The following ARHGEF3 variants were observed in gnomAD, a reference collection of about 807,000 sequenced individuals.
ARHGEF3 encodes the protein 59.8 kDA protein.
ARHGEF3 carries 28 observed loss-of-function variants against 63.2 expected under a neutral mutation model. The observed-to-expected ratio is 0.44, with a 90% CI of 0.33 to 0.61. The LOEUF (loss-of-function observed/expected upper bound fraction) is 0.61, where lower values mean the gene tolerates loss of function less well. Among genes scored for constraint, ARHGEF3 ranks in the 20% least tolerant of loss-of-function variants. ARHGEF3 has a pLI of 0.03. For missense variants in ARHGEF3, 533 were observed against 659.3 expected (o/e 0.81, Z 2.10); for synonymous variants, 266 against 254.2 (o/e 1.05, Z -0.44).
chr3:56,997,122 G>C (rs77127091), intron 2 of ARHGEF3, among the ~76,000 whole-genome samples: 2,416 of 151,926 alleles, frequency 0.016, 72 homozygotes, highest in African/African-American at 0.056. Context: ...CCCTGCAGAA[G>C]CACTTGCCAC....
chr3:57,052,234 G>A lies in ARHGEF3; in HGVS notation c.-27-17058C>T, dbSNP rs1041268019. On this transcript the variant is annotated intron_variant, in intron 1 of 12. Coordinates refer to the ARHGEF3 transcript ENST00000338458. ...TGTGCCTCTCACCCTCACATCCTGCGGTGCCTGTATATTAGCTGATCCAAT... is the reference window on the plus strand; with the variant it reads ...TGTGCCTCTCACCCTCACATCCTGCAGTGCCTGTATATTAGCTGATCCAAT... Among the ~76,000 whole-genome samples, 13 of 152,262 alleles carry A rather than the reference G, an allele frequency of 8.5e-5. 1 individual carries two copies. Among genetic ancestry groups the A allele is most frequent in the Non-Finnish European group, 1.2e-4 (8 of 68,030 alleles).
rs550743658 is a variant in ARHGEF3, at chr3:56,774,302, TA to T, written c.97-487del. ...AGATTGTTTTCTTACTTCATTAAAT[TA>T]AAAAAAAAAAATTTAAAAAAGAAGT... On this transcript the variant is annotated intron_variant, in intron 1 of 9. Transcript: ENST00000296315. 6.5e-3 allele frequency among the ~76,000 whole-genome samples: 964 copies of T among 147,652 alleles called. 7 individuals carry two copies. The highest frequency in any genetic ancestry group is 0.021 in the Middle Eastern group (6 of 284).
intron 4 of ARHGEF3, among the ~76,000 whole-genome samples, chr3:56,857,714 T>C (rs2039933719): frequency 6.6e-6 from 1 of 152,214 alleles, no homozygotes. Context: ...GCCATTTCCT[T>C]TTCCTTTTCT....
chr3:56,834,347 TATTGTAAAAGA>T (rs1559978689), intron 4 of ARHGEF3, among the ~76,000 whole-genome samples: 1 of 152,166 alleles, frequency 6.6e-6, no homozygotes, highest in Non-Finnish European at 1.5e-5. Context: ...CAGGTATCAT[TATTGTAAAAGA>T]TGAGGTTCAT....
chr3:56,814,387 CG>C, intron 4 of ARHGEF3, among the ~76,000 whole-genome samples: 1 of 152,202 alleles, frequency 6.6e-6, no homozygotes, highest in African/African-American at 2.4e-5. Context: ...CTGTGGCCCA[CG>C]GAAGCCAAAA....
chr3:57,015,496 G>T (rs7624437), intron 2 of ARHGEF3, among the ~76,000 whole-genome samples: 52,185 of 151,680 alleles, frequency 0.34, 9,616 homozygotes, highest in African/African-American at 0.47. Context: ...TGCAGTTGCA[G>T]GATCATGGCT....
chr3:56,916,680 A>G (rs936112528), intron 3 of ARHGEF3, among the ~76,000 whole-genome samples: 4 of 152,208 alleles, frequency 2.6e-5, no homozygotes, highest in African/African-American at 9.7e-5. Flanking sequence ...AGCAATGTGA[A>G]GCATCCCATC....
At chr3:56,911,701 C>T (rs2041856612) in intron 3 of ARHGEF3, among the ~76,000 whole-genome samples, 1 of 152,082 alleles carries the variant, frequency 6.6e-6, no homozygotes, top group Admixed American at 6.5e-5. Context: ...CAGTCTCCAC[C>T]TTGCATCGAA....
chr3:57,011,521 G>T (rs1169472599), intron 2 of ARHGEF3, among the ~76,000 whole-genome samples: 1 of 152,038 alleles, frequency 6.6e-6, no homozygotes, highest in Non-Finnish European at 1.5e-5. Flanking sequence ...GAGAGGCCAG[G>T]GATGCTGCTG....
Position 56,729,074 on chromosome 3 carries a change from T to C in ARHGEF3, c.*196A>G. ...GGGAAATACAACACAGGGTAATAGT[T>C]GCCACAGATTCCAGCTTACACAGAC... On this transcript the variant is annotated 3_prime_UTR_variant, in exon 10 of 10. Coordinates refer to ENST00000296315, the MANE Select transcript of ARHGEF3 (RefSeq NM_019555.3). 2 of 569,612 alleles carry C rather than the reference T, an allele frequency of 3.5e-6. No individual in the cohort carries two copies. The highest frequency in any genetic ancestry group is 6.2e-6 in the Non-Finnish European group (2 of 324,550). The allele number at this position is 569,612 out of a possible 1,614,324, so 35.3% of individuals were successfully genotyped here.
intron 1 of ARHGEF3, among the ~76,000 whole-genome samples, chr3:56,792,612 A>G (rs1297046809): frequency 6.6e-6 from 1 of 152,204 alleles, no homozygotes; most frequent in African/African-American, 2.4e-5. Flanking sequence ...GAGGACAATT[A>G]TATACTCAAG....
chr3:56,750,611 T>C (rs890867105), intron 6 of ARHGEF3, among the ~76,000 whole-genome samples: 3 of 151,954 alleles, frequency 2.0e-5, no homozygotes, highest in African/African-American at 7.2e-5. Context: ...CCTTTACTTA[T>C]GATCTTGTTT....
chr3:56,733,124 A>T (rs1179806445), intron 8 of ARHGEF3, among the ~76,000 whole-genome samples: 1 of 151,538 alleles, frequency 6.6e-6, no homozygotes, highest in African/African-American at 2.4e-5. Flanking sequence ...TCTACTAAAA[A>T]TACAAAAAAT....
chr3:56,904,232 A>C (rs1026671886), intron 3 of ARHGEF3, among the ~76,000 whole-genome samples: 1 of 151,818 alleles, frequency 6.6e-6, no homozygotes, highest in Non-Finnish European at 1.5e-5. Flanking sequence ...GAGATTTGCC[A>C]GGTGGCCCAG....
intron 8 of ARHGEF3, among the ~76,000 whole-genome samples, 199 bp from the exon 9 acceptor site, chr3:56,732,623 G>A (rs915882084): frequency 3.3e-5 from 5 of 152,126 alleles, no homozygotes; most frequent in African/African-American, 1.2e-4. Context: ...CCTTCCTGTA[G>A]AAGCACCTCC....
chr3:56,932,277 C>A (rs116597681), intron 3 of ARHGEF3, among the ~76,000 whole-genome samples: 2 of 152,104 alleles, frequency 1.3e-5, no homozygotes, highest in Middle Eastern at 6.8e-3. Context: ...TAGAAACGTA[C>A]GAAAGTCAAA....
intron 1 of ARHGEF3, among the ~76,000 whole-genome samples, chr3:56,785,000 G>A (rs1486981379): frequency 1.3e-5 from 2 of 152,102 alleles, no homozygotes; most frequent in Admixed American, 6.5e-5. Context: ...AAATATCAGA[G>A]TATTGTCCTT....
chr3:56,800,819 C>T (rs1013247934), intron 1 of ARHGEF3, among the ~76,000 whole-genome samples: 1 of 152,210 alleles, frequency 6.6e-6, no homozygotes, highest in South Asian at 2.1e-4. Context: ...GTGGGTTCCA[C>T]CGCAGCTTGA....
At chr3:56,921,054 CAAAAA>C (rs34087284) in intron 3 of ARHGEF3, among the ~76,000 whole-genome samples, 4 of 60,680 alleles carry the variant, frequency 6.6e-5, no homozygotes, top group African/African-American at 1.9e-4. Context: ...GACTCCATCT[CAAAAA>C]AAAAAAAAAA....
Sources: allele counts gnomAD v4.1 joint callset (sites outside exome capture counted in the v4.1 genomes callset), GRCh38; gene constraint gnomAD v4.1.1; transcripts MANE v1.5; gene names NCBI Gene and HGNC (gene_info 2026-07-23, HGNC 2026-07-21).